PHF24: variants seen among roughly 807,000 people sequenced by gnomAD.
The protein encoded by PHF24 is PHD finger protein 24.
Under a neutral mutation model 42.6 loss-of-function variants are expected in PHF24, and 25 were observed. The observed-to-expected ratio is 0.59, with a 90% CI of 0.43 to 0.82. PHF24 has a LOEUF of 0.82. PHF24 is among the 40% of genes least tolerant of loss of function. The pLI, the probability that PHF24 is intolerant of heterozygous loss-of-function variation, is 0.00. For missense variants in PHF24, 470 were observed against 538.1 expected (o/e 0.87, Z 1.25); for synonymous variants, 185 against 204.8 (o/e 0.90, Z 0.83).
chr9:34,884,074 A>G, the PHF24 span, among the ~76,000 whole-genome samples: 2 of 152,188 alleles, frequency 1.3e-5, no homozygotes, highest in South Asian at 2.1e-4. Context: ...TTGGACATGG[A>G]TGAAGCTGGA....
the PHF24 span, chr9:34,665,961 T>G: frequency 4.2e-6 from 2 of 480,630 alleles, no homozygotes; most frequent in Non-Finnish European, 3.7e-6. Context: ...GTGAGGATTT[T>G]CAGGGGCTGG....
At chr9:34,937,042 C>T in the PHF24 span, among the ~76,000 whole-genome samples, 1 of 126,528 alleles carries the variant, frequency 7.9e-6, no homozygotes, top group South Asian at 2.5e-4. Flanking sequence ...CAGCCCCCCC[C>T]CCGGGCCAGC....
the PHF24 span, among the ~76,000 whole-genome samples, chr9:34,669,628 A>C: frequency 2.0e-5 from 3 of 151,640 alleles, no homozygotes; most frequent in African/African-American, 7.3e-5. Flanking sequence ...AGGGTCCATG[A>C]GTGTGTGTGG....
the PHF24 span, among the ~76,000 whole-genome samples, chr9:34,911,735 C>T: frequency 6.6e-6 from 1 of 152,164 alleles, no homozygotes; most frequent in African/African-American, 2.4e-5. Context: ...ACTGTCCAGC[C>T]CATGTCTAGC....
At chr9:34,871,964 G>A in the PHF24 span, among the ~76,000 whole-genome samples, 1 of 152,130 alleles carries the variant, frequency 6.6e-6, no homozygotes. Flanking sequence ...TGTAGATCAA[G>A]TTGTGAAGAA....
the PHF24 span, among the ~76,000 whole-genome samples, chr9:34,875,950 A>ACTCTCTCT: frequency 2.0e-4 from 16 of 78,682 alleles, no homozygotes; most frequent in South Asian, 5.5e-4. Flanking sequence ...ACACACACAC[A>ACTCTCTCT]CTCTCTCTCT....
the PHF24 span, chr9:34,725,755 G>A: frequency 3.9e-6 from 6 of 1,526,926 alleles, no homozygotes; most frequent in Admixed American, 1.2e-4. Flanking sequence ...TCCAGTTTGG[G>A]GAAAGTGGGG....
At chr9:34,826,216 C>T in the PHF24 span, among the ~76,000 whole-genome samples, 1 of 152,172 alleles carries the variant, frequency 6.6e-6, no homozygotes, top group South Asian at 2.1e-4. Flanking sequence ...CTCTGTAAGC[C>T]TGGTCAGCCC....
the PHF24 span, among the ~76,000 whole-genome samples, chr9:34,794,366 G>A: frequency 9.2e-5 from 14 of 152,096 alleles, 1 homozygote; most frequent in Admixed American, 8.5e-4. Context: ...GTTATCTATA[G>A]GATTTAACCA....
the PHF24 span, chr9:34,918,176 G>A: frequency 1.3e-6 from 2 of 1,484,170 alleles, no homozygotes; most frequent in Non-Finnish European, 9.4e-7. Flanking sequence ...AGGAGAAGAA[G>A]GGTTACTTTG....
the PHF24 span, among the ~76,000 whole-genome samples, chr9:34,851,063 TGAG>T: frequency 1.3e-5 from 2 of 152,132 alleles, 1 homozygote; most frequent in South Asian, 4.1e-4. Context: ...GGGACCCACT[TGAG>T]GAGGCAGTCT....
the PHF24 span, among the ~76,000 whole-genome samples, chr9:34,894,113 C>T: frequency 7.5e-4 from 114 of 152,256 alleles, no homozygotes; most frequent in African/African-American, 2.5e-3. Context: ...GACTTCTTTA[C>T]GCAAAATCCA....
chr9:34,812,038 C>T, the PHF24 span, among the ~76,000 whole-genome samples: 1 of 152,320 alleles, frequency 6.6e-6, no homozygotes, highest in East Asian at 1.9e-4. Flanking sequence ...ACATTAAAAA[C>T]ATGCTCTACA....
chr9:34,691,317 A>C, the PHF24 span: 1 of 519,422 alleles, frequency 1.9e-6, no homozygotes. Flanking sequence ...CCAGAGCTTC[A>C]CTTTCTCTGC....
At chr9:34,788,233 A>G in the PHF24 span, among the ~76,000 whole-genome samples, 3 of 151,990 alleles carry the variant, frequency 2.0e-5, no homozygotes, top group Non-Finnish European at 4.4e-5. Flanking sequence ...AGTAGAGACA[A>G]GGTCTTGCTA....
exon 8 of PHF24, chr9:34,978,228 T>A: frequency 1.4e-6 from 1 of 733,230 alleles, no homozygotes; most frequent in African/African-American, 1.7e-5. Flanking sequence ...TGCCAGCGTC[T>A]TAACTTGTCA....
chr9:34,729,321 T>C, the PHF24 span: 1 of 1,552,120 alleles, frequency 6.4e-7, no homozygotes, highest in Non-Finnish European at 8.7e-7. Context: ...ACTCAATTCA[T>C]GGTGGCTCCT....
chr9:34,889,699 A>G, the PHF24 span: 1 of 398,090 alleles, frequency 2.5e-6, no homozygotes, highest in Non-Finnish European at 4.4e-6. Context: ...TCTTAGCCCT[A>G]GAAAGTGTGG....
intron 1 of PHF24, among the ~76,000 whole-genome samples, chr9:34,960,834 A>T (rs1349991449): frequency 6.6e-6 from 1 of 152,198 alleles, no homozygotes; most frequent in Admixed American, 6.5e-5. Flanking sequence ...CTGCAAATCA[A>T]ATCATTCCAG....
Sources: allele counts gnomAD v4.1 joint callset (sites outside exome capture counted in the v4.1 genomes callset), GRCh38; gene constraint gnomAD v4.1.1; transcripts MANE v1.5; gene names NCBI Gene and HGNC (gene_info 2026-07-23, HGNC 2026-07-21).